ZPBP: variants seen among roughly 807,000 people sequenced by gnomAD.
The protein encoded by ZPBP is zona pellucida binding protein.
Under a neutral mutation model 44.8 loss-of-function variants are expected in ZPBP, and 26 were observed. The ratio of observed to expected loss-of-function variants is 0.58; its 90% CI spans 0.43 to 0.81. ZPBP has a LOEUF of 0.81. Among genes scored for constraint, ZPBP ranks in the 30% least tolerant of loss-of-function variants. The probability of loss-of-function intolerance (pLI) is 0.00; values close to 1 mark genes in which losing one functional copy is unlikely to be tolerated. For missense variants in ZPBP, 409 were observed against 434.0 expected, an observed-to-expected ratio of 0.94 and a Z score of 0.51; for synonymous variants, 174 against 153.2, an observed-to-expected ratio of 1.14 and a Z score of -1.00.
rs1330828945 is a variant in ZPBP at position 50,018,289 on chromosome 7, G to C, written c.734C>G (p.Pro245Arg). 1.9e-6 allele frequency: 3 copies of C among 1,609,730 alleles called. No homozygotes were observed. Among genetic ancestry groups the C allele is most frequent in the Admixed American group, 3.3e-5 (2 of 59,770 alleles). ...ACAGTTATGGTCTGTACATCGCTTG[G>C]GTCCTTTTTCAGTGTCTAGAGATGA... ...SVSSLDTEKGPKRCTDHNCEP... is the reference protein window; with the variant it reads ...SVSSLDTEKGRKRCTDHNCEP... Residue 245 changes from proline (P) to arginine (R), a missense_variant, in exon 6 of 8, where the codon CCC (proline) becomes CGC (arginine). This residue lies in a region of ZPBP where 367 missense variants were observed against 363.1 expected (regional missense o/e 1.01). Coordinates refer to ENST00000046087, the MANE Select transcript of ZPBP (RefSeq NM_007009.3).
intron 2 of ZPBP, among the ~76,000 whole-genome samples, chr7:49,880,662 T>C (rs934015224): frequency 1.3e-5 from 2 of 151,972 alleles, no homozygotes; most frequent in Non-Finnish European, 2.9e-5. Context: ...GTGGGGAACA[T>C]CACACACCGG....
intron 2 of ZPBP, 31 bp from the exon 3 acceptor site, chr7:50,081,930 A>G: frequency 6.2e-7 from 1 of 1,605,984 alleles, no homozygotes; most frequent in Middle Eastern, 1.9e-4. Context: ...ATGTTCCAAT[A>G]GTATTTTATC....
chr7:49,904,143 C>A (rs1842903), intron 1 of ZPBP, among the ~76,000 whole-genome samples: 63,776 of 151,982 alleles, frequency 0.42, 13,820 homozygotes, highest in Non-Finnish European at 0.48. Flanking sequence ...TTCCTGCTGG[C>A]ATTGACTCTT....
At chr7:50,074,738 C>T (rs1802002595) in intron 3 of ZPBP, among the ~76,000 whole-genome samples, 1 of 151,874 alleles carries the variant, frequency 6.6e-6, no homozygotes, top group Admixed American at 6.6e-5. Flanking sequence ...AATACGTATA[C>T]ACCCAACATG....
At chr7:50,083,160 C>T (rs1248217361) in intron 2 of ZPBP, among the ~76,000 whole-genome samples, 3 of 151,802 alleles carry the variant, frequency 2.0e-5, no homozygotes, top group Non-Finnish European at 4.4e-5. Flanking sequence ...AACCCCTGTA[C>T]CTATTTCACA....
intron 6 of ZPBP, among the ~76,000 whole-genome samples, chr7:50,003,686 A>C (rs2128796182): frequency 6.6e-6 from 1 of 152,246 alleles, no homozygotes; most frequent in East Asian, 1.9e-4. Context: ...GTTTGAAGGG[A>C]CCCAGAACTC....
chr7:49,943,934 A>G (rs977674509), intron 7 of ZPBP: 7 of 326,636 alleles, frequency 2.1e-5, no homozygotes, highest in Non-Finnish European at 4.2e-5. Flanking sequence ...CTCTCAGTGG[A>G]CATTTCAGCA....
chr7:49,898,278 T>C (rs1395942358), intron 2 of ZPBP, among the ~76,000 whole-genome samples: 2 of 152,116 alleles, frequency 1.3e-5, no homozygotes, highest in African/African-American at 2.4e-5. Context: ...TATTATGAAC[T>C]GTTATCTTTT....
At chr7:49,904,820 C>T (rs1792998958) in intron 1 of ZPBP, among the ~76,000 whole-genome samples, 1 of 150,236 alleles carries the variant, frequency 6.7e-6, no homozygotes, top group South Asian at 2.1e-4. Flanking sequence ...ACTGCAACCT[C>T]CTCTCCCCAG....
chr7:49,861,162 T>C (rs1458183133), intron 2 of ZPBP, among the ~76,000 whole-genome samples: 2 of 152,212 alleles, frequency 1.3e-5, no homozygotes, highest in African/African-American at 4.8e-5. Context: ...TCACCAACAG[T>C]TGTTATTTTT....
chr7:49,867,672 AGAG>A (rs900573274), intron 2 of ZPBP, among the ~76,000 whole-genome samples: 3 of 152,192 alleles, frequency 2.0e-5, no homozygotes, highest in African/African-American at 4.8e-5. Context: ...GGCTGAAGAG[AGAG>A]GAGAATTCTG....
intron 4 of ZPBP, among the ~76,000 whole-genome samples, chr7:50,055,539 A>C (rs773862515): frequency 6.6e-6 from 1 of 152,092 alleles, no homozygotes; most frequent in Non-Finnish European, 1.5e-5. Context: ...TCCCTCCCCT[A>C]CTTAATAGCT....
chr7:50,014,204 G>C (rs1798709364), intron 6 of ZPBP, among the ~76,000 whole-genome samples: 1 of 151,868 alleles, frequency 6.6e-6, no homozygotes, highest in South Asian at 2.1e-4. Context: ...ATCATTTCAA[G>C]GAAACTCCAA....
chr7:49,989,330 G>A (rs1304952802), intron 6 of ZPBP, among the ~76,000 whole-genome samples: 1 of 152,110 alleles, frequency 6.6e-6, no homozygotes, highest in Non-Finnish European at 1.5e-5. Context: ...CATGCTCTAG[G>A]GACCTCAAGA....
chr7:49,992,014 C>T (rs981584727), intron 6 of ZPBP, among the ~76,000 whole-genome samples: 2 of 151,942 alleles, frequency 1.3e-5, no homozygotes, highest in African/African-American at 4.8e-5. Flanking sequence ...AAACTACAAA[C>T]CTAACGATAG....
At chr7:49,893,381 A>G (rs990890498) in intron 2 of ZPBP, among the ~76,000 whole-genome samples, 9 of 152,218 alleles carry the variant, frequency 5.9e-5, no homozygotes, top group African/African-American at 1.9e-4. Context: ...TTGGCAGGAT[A>G]GTTTTCAAGC....
At chr7:49,962,080 A>G (rs1416995270) in intron 7 of ZPBP, among the ~76,000 whole-genome samples, 2 of 151,984 alleles carry the variant, frequency 1.3e-5, no homozygotes, top group African/African-American at 4.8e-5. Context: ...AATATTTGAA[A>G]CAAGAATTTA....
At chr7:49,867,822 TTTTTATTTTATTA>T (rs1790969238) in intron 2 of ZPBP, among the ~76,000 whole-genome samples, 1 of 144,148 alleles carries the variant, frequency 6.9e-6, no homozygotes, top group African/African-American at 2.5e-5. Flanking sequence ...TATTTTCTAT[TTTTTATTTTATTA>T]TTTTATTTTA....
chr7:49,881,936 CT>C (rs1274098021), intron 2 of ZPBP, among the ~76,000 whole-genome samples: 11 of 151,644 alleles, frequency 7.3e-5, no homozygotes, highest in African/African-American at 2.7e-4. Context: ...TTTTCCTTTC[CT>C]TTTTTTAAAT....
Sources: gnomAD v4.1 joint callset for allele counts (sites outside exome capture counted in the v4.1 genomes callset) on GRCh38, gnomAD v4.1.1 for gene constraint, gnomAD v4.1.1 regional missense constraint, MANE v1.5 for transcripts, NCBI Gene and HGNC (gene_info 2026-07-23, HGNC 2026-07-21) for gene names.